Variants in PTDSS1 observed in about 807,000 individuals in gnomAD.
The protein encoded by PTDSS1 is PSS-1.
PTDSS1 carries 45 observed loss-of-function variants against 70.5 expected under a neutral mutation model. The observed-to-expected ratio is 0.64, with a 90% CI of 0.50 to 0.82. The LOEUF (loss-of-function observed/expected upper bound fraction) is 0.82, where lower values mean the gene tolerates loss of function less well. Ranked by LOEUF, PTDSS1 falls within the 40% of genes least tolerant of loss-of-function variation. The pLI, the probability that PTDSS1 is intolerant of heterozygous loss-of-function variation, is 0.00. For synonymous variants in PTDSS1, 188 were observed against 203.8 expected (o/e 0.92, Z 0.66); for missense variants, 417 against 586.1 (o/e 0.71, Z 2.98).
intron 8 of PTDSS1, 124 bp from the exon 9 acceptor site, chr8:96,309,433 C>T: frequency 1.3e-6 from 1 of 770,978 alleles, no homozygotes; most frequent in Non-Finnish European, 2.2e-6. Flanking sequence ...TTGAACAGAA[C>T]TAGACCAGGC....
At position 96,262,263 on chromosome 8, in the gene PTDSS1, G is replaced by T; in HGVS notation, c.179+44G>T. The T allele has an allele frequency of 6.5e-6, 5 of 763,894 alleles. No individual in the cohort carries two copies. The highest frequency in any genetic ancestry group is 8.3e-6 in the Non-Finnish European group (4 of 481,228). The allele number at this position is 763,894 out of a possible 1,614,324, so 47.3% of individuals were successfully genotyped here. On this transcript the variant is annotated intron_variant, in intron 1 of 12. Transcript: ENST00000517309. This position sits in a 1 kb window ranked among gnomAD's most constrained non-coding sequence, Gnocchi z 4.4. ...GCGGGGGGCGCGTCCAAGGGCTAGGGAAGAGGCGGGAGGGAGGGTGGCGGG... is the reference window on the plus strand; with the variant it reads ...GCGGGGGGCGCGTCCAAGGGCTAGGTAAGAGGCGGGAGGGAGGGTGGCGGG...
intron 6 of PTDSS1, among the ~76,000 whole-genome samples, chr8:96,302,165 G>A (rs1355610328): frequency 6.6e-6 from 1 of 151,922 alleles, no homozygotes; most frequent in Non-Finnish European, 1.5e-5. Context: ...ATCCCCAGGT[G>A]GGATTACAGG....
At chr8:96,269,852 T>C (rs958934557) in intron 1 of PTDSS1, among the ~76,000 whole-genome samples, 2 of 152,180 alleles carry the variant, frequency 1.3e-5, no homozygotes, top group Admixed American at 6.5e-5. Flanking sequence ...TACCCAATGA[T>C]AGGCATTAAC....
intron 6 of PTDSS1, 81 bp downstream of exon 6, chr8:96,299,926 A>C (rs1000235770): frequency 7.0e-7 from 1 of 1,436,536 alleles, no homozygotes; most frequent in African/African-American, 1.4e-5. Context: ...CCATTTTAGT[A>C]TGATCTTTGA....
chr8:96,302,589 T>C (rs1284393099), intron 6 of PTDSS1, among the ~76,000 whole-genome samples: 1 of 151,928 alleles, frequency 6.6e-6, no homozygotes, highest in Non-Finnish European at 1.5e-5. Flanking sequence ...GTTGTTGTTG[T>C]TGTTGTTTTT....
chr8:96,325,493 C>A (rs1811426499), intron 10 of PTDSS1, among the ~76,000 whole-genome samples: 1 of 152,116 alleles, frequency 6.6e-6, no homozygotes, highest in Non-Finnish European at 1.5e-5. Flanking sequence ...GCCCCCCAGG[C>A]CCCAGCTAAA....
At position 96,295,392 on chromosome 8, in the gene PTDSS1, A is replaced by T. The variant is rs1055968873; in HGVS notation, c.600+136A>T. 3 of 949,816 alleles carry T rather than the reference A, an allele frequency of 3.2e-6. No homozygotes were observed. The Admixed American group carries it at 1.2e-4, about 39-fold the overall frequency. The allele number at this position is 949,816 out of a possible 1,614,324, so 58.8% of individuals were successfully genotyped here. A position where few individuals can be genotyped will look rare whatever the true frequency, so the allele number is the denominator to read the frequency against. On this transcript the variant is annotated intron_variant, in intron 5 of 12. Transcript: ENST00000517309. Reference sequence around the variant, plus strand: ...TACAAAACAGTATTTAAACCATCCCATAAGAATATTTAATACTTCTGTTTA... The same window carrying T: ...TACAAAACAGTATTTAAACCATCCCTTAAGAATATTTAATACTTCTGTTTA...
At chr8:96,303,970 T>C in intron 6 of PTDSS1, 70 bp from the exon 7 acceptor site, 1 of 1,482,536 alleles carries the variant, frequency 6.7e-7, no homozygotes, top group Non-Finnish European at 9.2e-7. Flanking sequence ...TGCACAGGAT[T>C]TTTTTCTTGT....
intron 10 of PTDSS1, among the ~76,000 whole-genome samples, chr8:96,323,170 C>A (rs1219248798): frequency 6.6e-6 from 1 of 152,250 alleles, no homozygotes; most frequent in African/African-American, 2.4e-5. Flanking sequence ...GCAGCTCCAC[C>A]CCTGTGGCTG....
chr8:96,266,968 T>G (rs551713271), intron 1 of PTDSS1, among the ~76,000 whole-genome samples: 32 of 152,344 alleles, frequency 2.1e-4, no homozygotes, highest in Admixed American at 1.2e-3. Flanking sequence ...AAATATTTAT[T>G]TGGCTTAGAT....
At chr8:96,263,759 C>T (rs144406294) in intron 1 of PTDSS1, among the ~76,000 whole-genome samples, 6 of 152,268 alleles carry the variant, frequency 3.9e-5, no homozygotes, top group Non-Finnish European at 7.4e-5. Flanking sequence ...TATGTGACAG[C>T]GCTGTACAAC....
chr8:96,333,105 C>A (rs73263763), intron 12 of PTDSS1, among the ~76,000 whole-genome samples: 2 of 152,164 alleles, frequency 1.3e-5, no homozygotes, highest in Non-Finnish European at 2.9e-5. Context: ...ATGGGCACCG[C>A]GTGGTGTGTG....
chr8:96,274,858 A>T (rs1039387422), intron 2 of PTDSS1, among the ~76,000 whole-genome samples: 3 of 152,224 alleles, frequency 2.0e-5, no homozygotes, highest in African/African-American at 7.2e-5. Flanking sequence ...CATAATAATC[A>T]TGCTGATAAA....
intron 2 of PTDSS1, among the ~76,000 whole-genome samples, chr8:96,278,897 C>T (rs1181857218): frequency 6.6e-6 from 1 of 151,986 alleles, no homozygotes; most frequent in Non-Finnish European, 1.5e-5. Context: ...AATAAATCCA[C>T]CTGGAAAAAA....
At position 96,310,806 on chromosome 8, in the gene PTDSS1, G is replaced by A. The variant is rs375770469; in HGVS notation, c.1073+1184G>A. Among the ~76,000 whole-genome samples, 12 of 150,658 alleles carry A rather than the reference G, an allele frequency of 8.0e-5. No individual in the cohort carries two copies. In the East Asian group the frequency reaches 1.6e-3, roughly 20 times the overall value. ...TCTTTTTGAGACGGAGTGTTCTGTC[G>A]CCAGGCTGGAGTACAGTGGCGTGAT... On this transcript the variant is annotated intron_variant, in intron 9 of 12. Transcript: ENST00000517309.
rs762452399 is a variant in PTDSS1, at chr8:96,291,157, G to C, written c.442-3941G>C. ...GACACCATCCCATGCTGGTGGGAGT[G>C]GGGGAGAGGGTGGGCATGTTCCCTG... On this transcript the variant is annotated intron_variant, in intron 4 of 12. Coordinates refer to ENST00000517309, the MANE Select transcript of PTDSS1 (RefSeq NM_014754.3). Among the ~76,000 whole-genome samples the C allele has an allele frequency of 2.6e-5, 4 of 152,034 alleles. No individual in the cohort carries two copies. In the East Asian group the frequency reaches 7.7e-4, roughly 29 times the overall value.
chr8:96,289,660 G>C (rs1468308562), intron 4 of PTDSS1, among the ~76,000 whole-genome samples: 1 of 152,142 alleles, frequency 6.6e-6, no homozygotes, highest in African/African-American at 2.4e-5. Flanking sequence ...AGGAGAACGG[G>C]AATTTGGGCC....
intron 5 of PTDSS1, 105 bp downstream of exon 5, chr8:96,295,361 C>G: frequency 7.9e-7 from 1 of 1,260,980 alleles, no homozygotes; most frequent in Non-Finnish European, 1.0e-6. Flanking sequence ...TCTCCAGCCC[C>G]TGTGGTACAA....
chr8:96,275,595 C>A (rs1248961312), intron 2 of PTDSS1, among the ~76,000 whole-genome samples: 3 of 152,150 alleles, frequency 2.0e-5, no homozygotes, highest in African/African-American at 7.2e-5. Context: ...TATGATATGG[C>A]ATAAGTGGCC....
Sources: allele counts gnomAD v4.1 joint callset (sites outside exome capture counted in the v4.1 genomes callset), GRCh38; gene constraint gnomAD v4.1.1; non-coding constraint Gnocchi (gnomAD v3.1); transcripts MANE v1.5; gene names NCBI Gene and HGNC (gene_info 2026-07-23, HGNC 2026-07-21).